XRN2: variants seen among roughly 807,000 people sequenced by gnomAD.
XRN2 encodes 5'-3' exoribonuclease 2, also known as DHM1-like protein.
A neutral mutation model predicts 138.5 loss-of-function variants in XRN2; 44 were observed. The observed-to-expected ratio is 0.32, with a 90% CI of 0.25 to 0.41. XRN2 has a LOEUF of 0.41. Among genes scored for constraint, XRN2 ranks in the 10% least tolerant of loss-of-function variants. The pLI is 1.00. For missense variants in XRN2, 937 were observed against 1,169.3 expected (o/e 0.80, Z 2.90); for synonymous variants, 354 against 369.4 (o/e 0.96, Z 0.48).
At chr20:21,304,440 C>T (rs887811426) in intron 1 of XRN2, among the ~76,000 whole-genome samples, 25 of 149,800 alleles carry the variant, frequency 1.7e-4, no homozygotes, top group African/African-American at 5.9e-4. Flanking sequence ...TTGTTTTTTT[C>T]AAAAAGCAAC....
At chr20:21,334,705 G>A (rs1224123309) in intron 13 of XRN2, among the ~76,000 whole-genome samples, 1 of 152,192 alleles carries the variant, frequency 6.6e-6, no homozygotes, top group Non-Finnish European at 1.5e-5. Context: ...TATTATGGAT[G>A]AGCGCTTACA....
At chr20:21,346,607 A>AT in intron 17 of XRN2, 57 bp downstream of exon 17, 1 of 1,572,956 alleles carries the variant, frequency 6.4e-7, no homozygotes, top group African/African-American at 1.4e-5. Flanking sequence ...AAAAATAGTA[A>AT]TTTCTTTTTT....
chr20:21,354,461 A>G (rs2038551626), intron 20 of XRN2, among the ~76,000 whole-genome samples: 1 of 152,208 alleles, frequency 6.6e-6, no homozygotes, highest in South Asian at 2.1e-4. Flanking sequence ...GCATCTTAGT[A>G]ACTAAAGTGA....
At chr20:21,387,685 T>G (rs1241109303) in intron 29 of XRN2, among the ~76,000 whole-genome samples, 1 of 152,196 alleles carries the variant, frequency 6.6e-6, no homozygotes, top group Non-Finnish European at 1.5e-5. Flanking sequence ...ATTTACATGC[T>G]CTTAATGGAA....
intron 24 of XRN2, among the ~76,000 whole-genome samples, chr20:21,365,159 A>T (rs1461695884): frequency 6.6e-6 from 1 of 152,134 alleles, no homozygotes; most frequent in Non-Finnish European, 1.5e-5. Context: ...TTGAAATTTG[A>T]GTTGGGGCAA....
At chr20:21,379,528 G>C (rs879794064) in intron 27 of XRN2, among the ~76,000 whole-genome samples, 10 of 152,076 alleles carry the variant, frequency 6.6e-5, no homozygotes, top group Non-Finnish European at 1.5e-4. Flanking sequence ...ATTTGCTTAG[G>C]TTTTAACAAA....
At chr20:21,380,119 G>A (rs1483441848) in intron 27 of XRN2, among the ~76,000 whole-genome samples, 2 of 152,150 alleles carry the variant, frequency 1.3e-5, no homozygotes, top group Non-Finnish European at 2.9e-5. Flanking sequence ...TGGTAAAAAG[G>A]GGTATGTTTC....
chr20:21,327,565 T>C (rs1042300637), intron 3 of XRN2, among the ~76,000 whole-genome samples: 1 of 152,236 alleles, frequency 6.6e-6, no homozygotes, highest in Non-Finnish European at 1.5e-5. Flanking sequence ...AAAAGGAATA[T>C]GTCTTGTTTA....
chr20:21,364,664 G>A (rs1012567106), intron 24 of XRN2, among the ~76,000 whole-genome samples: 2 of 151,922 alleles, frequency 1.3e-5, no homozygotes, highest in Admixed American at 6.6e-5. Context: ...AAAATTAGCC[G>A]GGCATGGTGT....
intron 15 of XRN2, among the ~76,000 whole-genome samples, chr20:21,341,728 A>C (rs1296082692): frequency 6.6e-6 from 1 of 152,202 alleles, no homozygotes; most frequent in South Asian, 2.1e-4. Context: ...TAGTTATCCT[A>C]TTGATGCTCA....
intron 24 of XRN2, among the ~76,000 whole-genome samples, chr20:21,359,124 GT>G: frequency 1.3e-5 from 2 of 152,244 alleles, no homozygotes; most frequent in South Asian, 4.1e-4. Flanking sequence ...GAGTTACAGA[GT>G]TAATGGAAAC....
intron 17 of XRN2, among the ~76,000 whole-genome samples, chr20:21,346,806 A>T (rs1316388894): frequency 6.6e-6 from 1 of 151,876 alleles, no homozygotes; most frequent in East Asian, 1.9e-4. Context: ...TTTAGTAGAG[A>T]CGGGGTTTCA....
intron 14 of XRN2, among the ~76,000 whole-genome samples, chr20:21,339,538 A>G (rs1160140302): frequency 6.6e-6 from 1 of 152,204 alleles, no homozygotes; most frequent in Admixed American, 6.5e-5. Flanking sequence ...TGGTGTTCAG[A>G]GCACACTGTC....
chr20:21,357,679 A>C, intron 23 of XRN2, 57 bp from the exon 24 acceptor site: 1 of 1,394,942 alleles, frequency 7.2e-7, no homozygotes, highest in Non-Finnish European at 9.7e-7. Context: ...TCTTATTTCC[A>C]CTTACCTAAA....
At chr20:21,369,238 C>G (rs1324871226) in intron 27 of XRN2, among the ~76,000 whole-genome samples, 1 of 152,304 alleles carries the variant, frequency 6.6e-6, no homozygotes, top group South Asian at 2.1e-4. Context: ...TTACAGGTGA[C>G]AAGATCTCAT....
At chr20:21,348,539 A>G in intron 19 of XRN2, 109 bp downstream of exon 19, 1 of 991,554 alleles carries the variant, frequency 1.0e-6, no homozygotes, top group Non-Finnish European at 1.5e-6. Context: ...AAGTACAGAA[A>G]CAGTATGTTT....
At chr20:21,326,055 T>C (rs889739934) in intron 1 of XRN2, among the ~76,000 whole-genome samples, 1 of 152,264 alleles carries the variant, frequency 6.6e-6, no homozygotes, top group Admixed American at 6.5e-5. Context: ...TTTCTAAACA[T>C]CTACATTGTC....
Position 21,365,642 on chromosome 20 carries a change from G to T in XRN2, c.2394G>T (p.Gln798His), listed in dbSNP as rs375752353. 2 of 1,613,178 alleles carry T rather than the reference G, an allele frequency of 1.2e-6. No individual in the cohort carries two copies. Among genetic ancestry groups the T allele is most frequent in the South Asian group, 1.1e-5 (1 of 91,080 alleles). Residue 798 changes from glutamine (Q) to histidine (H), a missense_variant, in exon 26 of 30, where the codon CAG becomes CAT. By Grantham distance (24) the Gln-to-His change is conservative (BLOSUM62 0). Transcript: ENST00000377191. Reference sequence around the variant, plus strand: ...GCAATGGACGGCAGTGGAAGCCTCAGCTTGGCTTTAACCGTGACCGGAGGC... The same window carrying T: ...GCAATGGACGGCAGTGGAAGCCTCATCTTGGCTTTAACCGTGACCGGAGGC... Reference protein sequence around the residue: ...KSSNGRQWKPQLGFNRDRRPV... With the variant: ...KSSNGRQWKPHLGFNRDRRPV...
At chr20:21,365,848 A>AAT (rs1568593027) in intron 26 of XRN2, 144 bp downstream of exon 26, 5 of 141,840 alleles carry the variant, frequency 3.5e-5, no homozygotes, top group African/African-American at 1.4e-4. Context: ...TATAATATAT[A>AAT]ATTACATATA....
Sources: allele counts gnomAD v4.1 joint callset (sites outside exome capture counted in the v4.1 genomes callset), GRCh38; gene constraint gnomAD v4.1.1; transcripts MANE v1.5; gene names NCBI Gene and HGNC (gene_info 2026-07-23, HGNC 2026-07-21).